Variants in LIX1 observed in about 807,000 individuals in gnomAD.
The protein encoded by LIX1 is limb and CNS expressed 1, also known as protein limb expression 1 homolog.
Under a neutral mutation model 33.4 loss-of-function variants are expected in LIX1, and 24 were observed. The ratio of observed to expected loss-of-function variants is 0.72; its 90% CI spans 0.52 to 1.01. The LOEUF (loss-of-function observed/expected upper bound fraction) is 1.01. LIX1 is among the 50% of genes least tolerant of loss of function. LIX1 has a pLI of 0.00. For synonymous variants in LIX1, 124 were observed against 124.0 expected (o/e 1.00, Z 0.00); for missense variants, 311 against 339.2 (o/e 0.92, Z 0.65).
At position 97,094,856 on chromosome 5, in the gene LIX1, T is replaced by C. The variant is rs143791804; in HGVS notation, c.741A>G (p.Glu247=). The C allele has an allele frequency of 6.2e-6, 10 of 1,614,092 alleles. No homozygotes were observed. In the African/African-American group the frequency reaches 1.1e-4, roughly 17 times the overall value. Residue 247 remains glutamate (E), a synonymous_variant, in exon 6 of 6, where the codon GAA becomes GAG. Coordinates refer to ENST00000274382, the MANE Select transcript of LIX1 (RefSeq NM_153234.5). ...GGGCTAAGCTCAATATTTCTTTCTT[T>C]TCTTTGTAAAACCGTAGTTCTTGTC... The part of the protein sequence containing the change: ...KAGQELRFYK[E]KKEILSLALT...
intron 5 of LIX1, among the ~76,000 whole-genome samples, chr5:97,095,894 T>TA (rs1362599191): frequency 1.3e-5 from 2 of 152,136 alleles, no homozygotes. Flanking sequence ...AGGCCTTTTG[T>TA]AAAATCAAAG....
chr5:97,129,479 C>A (rs766791600), intron 1 of LIX1, among the ~76,000 whole-genome samples: 6 of 152,006 alleles, frequency 3.9e-5, no homozygotes, highest in Non-Finnish European at 8.8e-5. Context: ...TCCTAATGTA[C>A]CTATTATATG....
intron 1 of LIX1, among the ~76,000 whole-genome samples, chr5:97,137,467 G>GA (rs1050682913): frequency 0.013 from 1,868 of 141,204 alleles, 23 homozygotes; most frequent in African/African-American, 0.037. Flanking sequence ...TATATTTACT[G>GA]AAAAAAAAAA....
rs190727404 is a variant in LIX1 at position 97,131,100 on chromosome 5, G to A, written c.83-6471C>T. Among the ~76,000 whole-genome samples the A allele has an allele frequency of 1.4e-3, 210 of 152,290 alleles. 2 individuals carry two copies. Among genetic ancestry groups the A allele is most frequent in the Middle Eastern group, 0.014 (4 of 294 alleles). Reference sequence around the variant, plus strand: ...TTCCTTTCTTTTATTATAAAGGTCAGCATTGAGGCTTTCCCAGTTAACTGA... The same window carrying A: ...TTCCTTTCTTTTATTATAAAGGTCAACATTGAGGCTTTCCCAGTTAACTGA... On this transcript the variant is annotated intron_variant, in intron 1 of 5. Coordinates refer to ENST00000274382, the MANE Select transcript of LIX1 (RefSeq NM_153234.5).
chr5:97,141,583 A>G (rs1748288508), intron 1 of LIX1, among the ~76,000 whole-genome samples: 1 of 149,642 alleles, frequency 6.7e-6, no homozygotes, highest in Non-Finnish European at 1.5e-5. Context: ...GAAAGCAAAA[A>G]TTCAAACCAT....
intron 1 of LIX1, among the ~76,000 whole-genome samples, chr5:97,134,018 G>T (rs947351684): frequency 1.3e-5 from 2 of 152,162 alleles, no homozygotes; most frequent in African/African-American, 4.8e-5. Flanking sequence ...CTTACATGAG[G>T]AAATATTCTA....
intron 1 of LIX1, among the ~76,000 whole-genome samples, chr5:97,126,322 A>G (rs916824430): frequency 6.6e-6 from 1 of 152,162 alleles, no homozygotes; most frequent in South Asian, 2.1e-4. Flanking sequence ...AGGCAAAATC[A>G]TTGTATAGCC....
chr5:97,119,125 C>T (rs549658732), intron 2 of LIX1, among the ~76,000 whole-genome samples: 1 of 152,182 alleles, frequency 6.6e-6, no homozygotes, highest in African/African-American at 2.4e-5. Context: ...GGATTAGTCC[C>T]ACAATCCAGT....
chr5:97,102,729 C>T (rs925555720), intron 4 of LIX1, among the ~76,000 whole-genome samples: 2 of 143,770 alleles, frequency 1.4e-5, no homozygotes, highest in Admixed American at 1.5e-4. Context: ...AATTTTAAGA[C>T]TTTTTTTTTT....
intron 4 of LIX1, among the ~76,000 whole-genome samples, chr5:97,103,592 C>T (rs1746834595): frequency 6.6e-6 from 1 of 152,188 alleles, no homozygotes; most frequent in Non-Finnish European, 1.5e-5. Context: ...ATCCACTAGG[C>T]TTAAAGGATA....
intron 4 of LIX1, chr5:97,101,904 C>T (rs1053936355): frequency 1.3e-5 from 2 of 152,142 alleles, no homozygotes; most frequent in African/African-American, 2.4e-5. Flanking sequence ...TTTTAAAAGG[C>T]GACCTGGAAA....
intron 3 of LIX1, among the ~76,000 whole-genome samples, 200 bp downstream of exon 3, chr5:97,107,160 T>TA (rs1172448403): frequency 6.6e-6 from 1 of 152,214 alleles, no homozygotes; most frequent in African/African-American, 2.4e-5. Flanking sequence ...TCAGAGAGAT[T>TA]AAAAAATATT....
intron 1 of LIX1, among the ~76,000 whole-genome samples, chr5:97,128,706 C>G (rs1239446630): frequency 6.6e-6 from 1 of 152,192 alleles, no homozygotes; most frequent in Non-Finnish European, 1.5e-5. Flanking sequence ...TTACCTAAAT[C>G]AGAAACTGGG....
At position 97,123,936 on chromosome 5, in the gene LIX1, T is replaced by C. The variant is rs575008510; in HGVS notation, c.246+530A>G. Among the ~76,000 whole-genome samples, 8 of 152,334 alleles carry C rather than the reference T, an allele frequency of 5.3e-5. No individual in the cohort carries two copies. The East Asian group carries it at 1.5e-3, about 29-fold the overall frequency. ...TGACTTCCCAGAGGCAGCATAGGTTTGTAGGTCTGTTTATTAAATTATACC... is the reference window on the plus strand; with the variant it reads ...TGACTTCCCAGAGGCAGCATAGGTTCGTAGGTCTGTTTATTAAATTATACC... On this transcript the variant is annotated intron_variant, in intron 2 of 5. Coordinates refer to ENST00000274382, the MANE Select transcript of LIX1 (RefSeq NM_153234.5).
At position 97,107,473 on chromosome 5, in the gene LIX1, GC is replaced by G. The variant is rs762887624; in HGVS notation, c.273del (p.Arg91SerfsTer9). On this transcript the variant is annotated frameshift_variant, in exon 3 of 6. Coordinates refer to ENST00000274382, the MANE Select transcript of LIX1 (RefSeq NM_153234.5). LOFTEE classifies it high-confidence loss of function. Reference sequence around the variant, plus strand: ...ATCAGGGCCACTTTAGCTGCATCCCGCCTGGCCTCGGCTCTACTTAAGCAGC... The same window carrying G: ...ATCAGGGCCACTTTAGCTGCATCCCGCTGGCCTCGGCTCTACTTAAGCAGC... ...FQCCLSRAEA[R>X]RDAAKVALIN... 3.4e-4 allele frequency: 550 copies of G among 1,613,720 alleles called. 1 individual carries two copies. The highest frequency in any genetic ancestry group is 4.5e-4 in the Non-Finnish European group (526 of 1,179,960).
intron 2 of LIX1, among the ~76,000 whole-genome samples, chr5:97,111,793 G>T (rs543701729): frequency 6.6e-6 from 1 of 152,102 alleles, no homozygotes; most frequent in Non-Finnish European, 1.5e-5. Flanking sequence ...CACCACATAC[G>T]TTTACAACCA....
intron 2 of LIX1, among the ~76,000 whole-genome samples, chr5:97,114,070 A>G (rs1160960465): frequency 1.3e-5 from 2 of 152,250 alleles, no homozygotes; most frequent in Non-Finnish European, 2.9e-5. Flanking sequence ...GTTACCTTGT[A>G]GGAAGCATCT....
intron 4 of LIX1, among the ~76,000 whole-genome samples, chr5:97,100,441 T>G (rs1179974856): frequency 6.6e-6 from 1 of 152,216 alleles, no homozygotes; most frequent in Non-Finnish European, 1.5e-5. Context: ...ACTTCTTACA[T>G]TATATCCCCA....
intron 2 of LIX1, among the ~76,000 whole-genome samples, chr5:97,110,605 T>G (rs1333230946): frequency 6.6e-6 from 1 of 151,974 alleles, no homozygotes; most frequent in African/African-American, 2.4e-5. Flanking sequence ...CCACTACGCC[T>G]GGCTGATTTT....
Sources: gnomAD v4.1 joint callset for allele counts (sites outside exome capture counted in the v4.1 genomes callset) on GRCh38, gnomAD v4.1.1 for gene constraint, MANE v1.5 for transcripts, NCBI Gene and HGNC (gene_info 2026-07-23, HGNC 2026-07-21) for gene names.